Variants in TTLL5 observed in about 807,000 individuals in gnomAD.
TTLL5 encodes the protein tubulin polyglutamylase TTLL5.
Under a neutral mutation model 168.4 loss-of-function variants are expected in TTLL5, and 132 were observed. The ratio of observed to expected loss-of-function variants is 0.78; its 90% confidence interval spans 0.68 to 0.91. The LOEUF is 0.91. Among genes scored for constraint, TTLL5 ranks in the 40% least tolerant of loss-of-function variants. TTLL5 has a pLI of 0.00. For missense variants in TTLL5, 1,545 were observed against 1,581.5 expected (o/e 0.98, Z 0.39); for synonymous variants, 546 against 558.6 (o/e 0.98, Z 0.32).
intron 31 of TTLL5, among the ~76,000 whole-genome samples, chr14:75,948,971 T>G (rs931753694): frequency 6.6e-6 from 1 of 152,202 alleles, no homozygotes; most frequent in African/African-American, 2.4e-5. Flanking sequence ...ATTACCAGGC[T>G]TTTGTGTTTT....
At chr14:75,768,315 T>G (rs949163099) in intron 20 of TTLL5, among the ~76,000 whole-genome samples, 1 of 152,104 alleles carries the variant, frequency 6.6e-6, no homozygotes, top group African/African-American at 2.4e-5. Flanking sequence ...ACAGCCCTAG[T>G]TAGGATGAAT....
At chr14:75,849,029 C>T (rs1896704982) in intron 28 of TTLL5, among the ~76,000 whole-genome samples, 1 of 152,204 alleles carries the variant, frequency 6.6e-6, no homozygotes, top group Admixed American at 6.5e-5. Context: ...GTCCAGCTGG[C>T]TGGAATCTCA....
rs1373255111 is a variant in TTLL5, at chr14:75,952,697, TG to T, written c.3824-1726del. Among the ~76,000 whole-genome samples the T allele has an allele frequency of 9.1e-4, 138 of 152,284 alleles. 3 individuals are homozygous for T. The highest frequency in any genetic ancestry group is 3.4e-4 in the Non-Finnish European group (23 of 68,024). On this transcript the variant is annotated intron_variant, in intron 31 of 31. Coordinates refer to ENST00000298832, the MANE Select transcript of TTLL5 (RefSeq NM_015072.5). Reference sequence around the variant, plus strand: ...CAGCCATAAAAAAGGAGTAGAGTAGTGATGCATGCTACAGCATAGATGACCC... The same window carrying T: ...CAGCCATAAAAAAGGAGTAGAGTAGTATGCATGCTACAGCATAGATGACCC...
Position 75,914,029 on chromosome 14 carries a change from A to T in TTLL5, c.3823+11805A>T, listed in dbSNP as rs1223003969. ...GACTGTTTAAAAGGAAAAAAAAAAAAAAAAATATATATATATATATATATA... is the reference window on the plus strand; with the variant it reads ...GACTGTTTAAAAGGAAAAAAAAAAATAAAAATATATATATATATATATATA... On this transcript the variant is annotated intron_variant, in intron 31 of 31. Transcript: ENST00000298832. Among the ~76,000 whole-genome samples, 145 of 78,298 alleles carry T rather than the reference A, an allele frequency of 1.9e-3. 11 individuals are homozygous for T. The African/African-American group carries it at 0.022, about 12-fold the overall frequency. 51.4% of individuals were successfully genotyped at this position (78,298 alleles called of 152,430 possible). A position where few individuals can be genotyped will look rare whatever the true frequency, so the allele number is the denominator to read the frequency against.
At position 75,898,152 on chromosome 14, in the gene TTLL5, C is replaced by A. The variant is rs148934263; in HGVS notation, c.3741-3990C>A. Among the ~76,000 whole-genome samples the A allele has an allele frequency of 3.2e-3, 486 of 152,298 alleles. 11 individuals carry two copies. The South Asian group carries it at 0.054, about 17-fold the overall frequency. ...AGAACATCAGATAATGGAACTGTAT[C>A]ACACACATATTTAACTTTATACATT... On this transcript the variant is annotated intron_variant, in intron 30 of 31. Coordinates refer to ENST00000298832, the MANE Select transcript of TTLL5 (RefSeq NM_015072.5).
chr14:75,797,648 T>C (rs1412227524), intron 27 of TTLL5, among the ~76,000 whole-genome samples: 2 of 151,990 alleles, frequency 1.3e-5, no homozygotes. Flanking sequence ...TGTCAGATGC[T>C]TTTTCTGTGT....
chr14:75,930,825 GAA>G (rs1278476602), intron 31 of TTLL5, among the ~76,000 whole-genome samples: 1 of 152,178 alleles, frequency 6.6e-6, no homozygotes, highest in African/African-American at 2.4e-5. Context: ...AATCTTTTGA[GAA>G]ATCAGTAAGG....
At chr14:75,772,355 G>A (rs1891388527) in intron 21 of TTLL5, among the ~76,000 whole-genome samples, 1 of 152,156 alleles carries the variant, frequency 6.6e-6, no homozygotes, top group Non-Finnish European at 1.5e-5. Context: ...TTGCTTTCAT[G>A]CATTGTAAAG....
intron 30 of TTLL5, among the ~76,000 whole-genome samples, chr14:75,898,171 A>T (rs1029525009): frequency 1.3e-5 from 2 of 152,244 alleles, no homozygotes; most frequent in African/African-American, 4.8e-5. Context: ...ATTTAACTTT[A>T]TACATTCAGC....
chr14:75,728,418 GAGAT>G (rs1480013608), intron 12 of TTLL5, among the ~76,000 whole-genome samples: 2 of 151,862 alleles, frequency 1.3e-5, no homozygotes, highest in Non-Finnish European at 2.9e-5. Context: ...ACAAGAAAGA[GAGAT>G]AGAGATTTGG....
intron 15 of TTLL5, among the ~76,000 whole-genome samples, chr14:75,739,466 T>A (rs79019276): frequency 1.1e-4 from 16 of 152,344 alleles, no homozygotes; most frequent in Non-Finnish European, 2.4e-4. Context: ...TTTCTGTTGC[T>A]GTCAGATTGT....
chr14:75,944,102 C>T (rs1196235769), intron 31 of TTLL5, among the ~76,000 whole-genome samples: 1 of 152,144 alleles, frequency 6.6e-6, no homozygotes, highest in East Asian at 1.9e-4. Context: ...CTAAAACTTG[C>T]CTTGGTCTCT....
intron 30 of TTLL5, chr14:75,886,712 A>G: frequency 9.4e-6 from 15 of 1,598,038 alleles, no homozygotes; most frequent in Non-Finnish European, 1.1e-5. Flanking sequence ...CCCGCTTCAG[A>G]TCCTCCTTTC....
At chr14:75,886,632 C>T in intron 30 of TTLL5, 1 of 1,545,376 alleles carries the variant, frequency 6.5e-7, no homozygotes, top group Non-Finnish European at 8.7e-7. Context: ...TTTTTTTTTA[C>T]CATTTTCCTG....
intron 12 of TTLL5, among the ~76,000 whole-genome samples, chr14:75,731,331 T>A (rs1380369185): frequency 1.3e-5 from 2 of 150,822 alleles, no homozygotes; most frequent in East Asian, 3.9e-4. Context: ...TTAGGAGTGA[T>A]GTTTTATATA....
intron 31 of TTLL5, among the ~76,000 whole-genome samples, chr14:75,943,345 C>CA (rs2034671654): frequency 6.6e-6 from 1 of 152,094 alleles, no homozygotes; most frequent in Non-Finnish European, 1.5e-5. Context: ...GCTATAGTCT[C>CA]CATATGTAAG....
intron 27 of TTLL5, among the ~76,000 whole-genome samples, chr14:75,816,697 A>C (rs1271428792): frequency 2.6e-5 from 4 of 152,184 alleles, no homozygotes; most frequent in African/African-American, 9.7e-5. Flanking sequence ...GTAATTGGAG[A>C]AGCTGTTAGT....
Position 75,793,118 on chromosome 14 carries a change from T to A in TTLL5, c.3171+18T>A, listed in dbSNP as rs369076952. On this transcript the variant is annotated intron_variant, in intron 27 of 31. Coordinates refer to ENST00000298832, the MANE Select transcript of TTLL5 (RefSeq NM_015072.5). ...CCCAACAGGTACGGATGGTCTGGGG[T>A]GTCCAAGAGCTCTTTGGACCTGAGG... 7.7e-6 allele frequency: 12 copies of A among 1,564,724 alleles called. No homozygotes were observed. The highest frequency in any genetic ancestry group is 1.0e-5 in the Non-Finnish European group (12 of 1,152,358).
At chr14:75,677,951 T>C (rs1884309464) in intron 3 of TTLL5, among the ~76,000 whole-genome samples, 1 of 151,996 alleles carries the variant, frequency 6.6e-6, no homozygotes, top group Admixed American at 6.6e-5. Context: ...TTCCCCCTTG[T>C]CTCTTATTCC....
Sources: allele counts gnomAD v4.1 joint callset (sites outside exome capture counted in the v4.1 genomes callset), GRCh38; gene constraint gnomAD v4.1.1; transcripts MANE v1.5; gene names NCBI Gene and HGNC (gene_info 2026-07-23, HGNC 2026-07-21).